MLLT1: variants seen among roughly 807,000 people sequenced by gnomAD.
MLLT1 encodes protein ENL.
A neutral mutation model predicts 55.1 loss-of-function variants in MLLT1; 11 were observed. The observed-to-expected ratio is 0.20, with a 90% CI of 0.13 to 0.33. The LOEUF is 0.33. MLLT1 is among the 10% of genes least tolerant of loss of function. MLLT1 has a pLI of 1.00. For missense variants in MLLT1, 536 were observed against 760.6 expected (o/e 0.70, Z 3.47); for synonymous variants, 323 against 320.1 (o/e 1.01, Z -0.10).
At chr19:6,279,583 G>A (rs2091446909) in intron 1 of MLLT1, among the ~76,000 whole-genome samples, 190 bp downstream of exon 1, 1 of 151,454 alleles carries the variant, frequency 6.6e-6, no homozygotes, top group African/African-American at 2.4e-5. Flanking sequence ...GGTGTCCGAG[G>A]CGCCCTGGCC....
chr19:6,211,891 T>C lies in MLLT1; in HGVS notation c.*1151A>G. 1 of 1,064,506 alleles carries C rather than the reference T, an allele frequency of 9.4e-7. No homozygotes were observed. The highest frequency in any genetic ancestry group is 4.6e-5 in the South Asian group (1 of 21,964). 65.9% of individuals were successfully genotyped at this position (1,064,506 alleles called of 1,614,324 possible). On this transcript the variant is annotated 3_prime_UTR_variant, in exon 12 of 12. Coordinates refer to ENST00000252674, the MANE Select transcript of MLLT1 (RefSeq NM_005934.4). This position sits in a 1 kb window ranked among gnomAD's most constrained non-coding sequence, Gnocchi z 4.6. Reference sequence around the variant, plus strand: ...GCGGCACCAGCATGAATTGCGGCGGTGGAGGCCGGGGCGGGCCAGGCCGCG... The same window carrying C: ...GCGGCACCAGCATGAATTGCGGCGGCGGAGGCCGGGGCGGGCCAGGCCGCG...
At chr19:6,265,669 TCAA>T (rs942621477) in intron 2 of MLLT1, among the ~76,000 whole-genome samples, 5 of 143,866 alleles carry the variant, frequency 3.5e-5, no homozygotes, top group African/African-American at 7.8e-5. Flanking sequence ...AAACTCTGTT[TCAA>T]CAACAACAAC....
intron 4 of MLLT1, among the ~76,000 whole-genome samples, chr19:6,228,388 C>G (rs1054327283): frequency 6.6e-5 from 10 of 152,154 alleles, no homozygotes; most frequent in African/African-American, 2.4e-4. Flanking sequence ...TAGCACAGAC[C>G]GTTGAGAAAA....
intron 2 of MLLT1, among the ~76,000 whole-genome samples, chr19:6,265,712 G>A (rs945596595): frequency 6.6e-6 from 1 of 151,500 alleles, no homozygotes; most frequent in African/African-American, 2.4e-5. Context: ...CAGGTGCAAT[G>A]GCTCATGCCT....
At chr19:6,249,840 T>C (rs1448849754) in intron 3 of MLLT1, among the ~76,000 whole-genome samples, 4 of 152,136 alleles carry the variant, frequency 2.6e-5, no homozygotes, top group East Asian at 1.9e-4. Flanking sequence ...CTGGGCAACA[T>C]GGCAAGACCT....
At chr19:6,216,298 G>T in intron 8 of MLLT1, 107 bp downstream of exon 8, 2 of 813,656 alleles carry the variant, frequency 2.5e-6, no homozygotes, top group South Asian at 3.1e-5. Flanking sequence ...GCCCTCCCAG[G>T]GGACCCTCCA....
At chr19:6,271,281 A>T (rs1417181445) in intron 1 of MLLT1, among the ~76,000 whole-genome samples, 1 of 152,174 alleles carries the variant, frequency 6.6e-6, no homozygotes, top group Non-Finnish European at 1.5e-5. Context: ...TGTCTCTGCC[A>T]CCTAAGCTTG....
Position 6,212,936 on chromosome 19 carries a change from C to T in MLLT1, c.*106G>A, listed in dbSNP as rs1447746164. The T allele has an allele frequency of 2.1e-5, 30 of 1,421,154 alleles. No individual in the cohort carries two copies. The highest frequency in any genetic ancestry group is 1.7e-4 in the South Asian group (13 of 77,334). 88.0% of individuals were successfully genotyped at this position (1,421,154 alleles called of 1,614,324 possible). A position where few individuals can be genotyped will look rare whatever the true frequency, so the allele number is the denominator to read the frequency against. On this transcript the variant is annotated 3_prime_UTR_variant, in exon 12 of 12. Transcript: ENST00000252674. The stretch of plus-strand genomic sequence containing the variant: ...GCTGTGCGGGCGAGGACAGGGCTGT[C>T]GCTAAGGCAGTGCTGCGGGCAGGCG...
intron 8 of MLLT1, 150 bp downstream of exon 8, chr19:6,216,255 A>C (rs1424223093): frequency 1.6e-6 from 1 of 634,174 alleles, no homozygotes; most frequent in African/African-American, 1.8e-5. Flanking sequence ...CCCAGGCTGG[A>C]CTGGGGCCAC....
chr19:6,261,254 T>A (rs1471999293), intron 3 of MLLT1, among the ~76,000 whole-genome samples: 3 of 152,244 alleles, frequency 2.0e-5, no homozygotes, highest in African/African-American at 7.2e-5. Flanking sequence ...TAGGTTTCTG[T>A]GAACTGGACC....
At chr19:6,265,225 A>G (rs573498183) in intron 2 of MLLT1, among the ~76,000 whole-genome samples, 25 of 152,296 alleles carry the variant, frequency 1.6e-4, no homozygotes, top group African/African-American at 4.8e-4. Flanking sequence ...ACTAAGTGAT[A>G]TATACTCCCA....
chr19:6,223,767 G>A (rs1014725127), intron 5 of MLLT1, among the ~76,000 whole-genome samples: 1 of 152,070 alleles, frequency 6.6e-6, no homozygotes, highest in Non-Finnish European at 1.5e-5. Flanking sequence ...TGGGAGCCAC[G>A]CCTTCACCTT....
chr19:6,216,176 G>A (rs2090841362), intron 8 of MLLT1, among the ~76,000 whole-genome samples: 2 of 152,154 alleles, frequency 1.3e-5, no homozygotes, highest in South Asian at 4.1e-4. Flanking sequence ...GCCCCAGATG[G>A]GGGCAGCCCT....
chr19:6,266,092 A>C (rs1349057611), intron 2 of MLLT1, among the ~76,000 whole-genome samples: 2 of 152,032 alleles, frequency 1.3e-5, no homozygotes, highest in African/African-American at 4.8e-5. Context: ...CAACTTGGGC[A>C]ACATGGTGAA....
chr19:6,277,115 C>T (rs905496899), intron 1 of MLLT1, among the ~76,000 whole-genome samples: 3 of 152,230 alleles, frequency 2.0e-5, no homozygotes, highest in Non-Finnish European at 4.4e-5. Context: ...TTCCCTGTGC[C>T]AAGAGTCCCG....
chr19:6,245,730 T>C (rs116147950), intron 3 of MLLT1, among the ~76,000 whole-genome samples: 1 of 75,628 alleles, frequency 1.3e-5, no homozygotes, highest in African/African-American at 8.0e-5. Flanking sequence ...ACAAATAAAA[T>C]TTTTTTTTAA....
At chr19:6,274,548 A>C (rs1239772463) in intron 1 of MLLT1, among the ~76,000 whole-genome samples, 1 of 152,146 alleles carries the variant, frequency 6.6e-6, no homozygotes. Context: ...CTCTCCCCCA[A>C]CTTTATCCCA....
chr19:6,270,235 CACAA>C lies in MLLT1; in HGVS notation c.193+340_193+343del, dbSNP rs1363016320. ...AATATTGGGAATTCTTCACATGGCACACAAACAAACATAGGCCCGGTCGGCAACT... is the reference window on the plus strand; with the variant it reads ...AATATTGGGAATTCTTCACATGGCACACAAACATAGGCCCGGTCGGCAACT... On this transcript the variant is annotated intron_variant, in intron 2 of 11. Coordinates refer to ENST00000252674, the MANE Select transcript of MLLT1 (RefSeq NM_005934.4). This position sits in a 1 kb window ranked among gnomAD's most constrained non-coding sequence, Gnocchi z 7.1. 3.5e-5 allele frequency among the ~76,000 whole-genome samples: 5 copies of C among 142,196 alleles called. No individual in the cohort carries two copies. The East Asian group carries it at 7.7e-4, about 22-fold the overall frequency. The allele number at this position is 142,196 out of a possible 152,430, so 93.3% of individuals were successfully genotyped here.
Position 6,222,653 on chromosome 19 carries a change from T to C in MLLT1, c.578A>G (p.Lys193Arg), listed in dbSNP as rs746203571. ...GTGCTCCTTGGTCACCTTGTGTGGCTTGGAGGTCTTGCTGCTCTCCTTGTT... is the reference window on the plus strand; with the variant it reads ...GTGCTCCTTGGTCACCTTGTGTGGCCTGGAGGTCTTGCTGCTCTCCTTGTT... Reference protein sequence around the residue: ...DANKESSKTSKPHKVTKEHRE... With the variant: ...DANKESSKTSRPHKVTKEHRE... The change falls in exon 6 of 12, where the codon AAG becomes AGG. Residue 193 changes from lysine to arginine, a missense_variant. Lys to Arg is a conservative substitution (Grantham distance 26). Coordinates refer to ENST00000252674, the MANE Select transcript of MLLT1 (RefSeq NM_005934.4). The surrounding 1 kb of genome is among the most constrained non-coding windows in gnomAD (Gnocchi z 4.1). The C allele has an allele frequency of 8.3e-6, 13 of 1,559,256 alleles. No homozygotes were observed. In the East Asian group the frequency reaches 2.3e-4, roughly 27 times the overall value.
Sources: gnomAD v4.1 joint callset for allele counts (sites outside exome capture counted in the v4.1 genomes callset) on GRCh38, gnomAD v4.1.1 for gene constraint, Gnocchi (gnomAD v3.1) non-coding constraint, MANE v1.5 for transcripts, NCBI Gene and HGNC (gene_info 2026-07-23, HGNC 2026-07-21) for gene names.